Variants in DMD observed in about 807,000 individuals in gnomAD.
DMD encodes dystrophin, also known as mutant dystrophin.
Under a neutral mutation model 330.1 loss-of-function variants are expected in DMD, and 63 were observed. The observed-to-expected ratio is 0.19, with a 90% CI of 0.16 to 0.24. The LOEUF (loss-of-function observed/expected upper bound fraction) is 0.24. Among genes scored for constraint, DMD ranks in the 10% least tolerant of loss-of-function variants. The pLI is 1.00. For synonymous variants in DMD, 1,223 were observed against 959.8 expected (o/e 1.27, Z -5.07); for missense variants, 3,344 against 2,684.1 (o/e 1.25, Z -5.43).
intron 67 of DMD, among the ~76,000 whole-genome samples, chrX:31,191,501 C>G (rs946376223): frequency 5.4e-5 from 6 of 110,615 alleles, no homozygotes; most frequent in Non-Finnish European, 1.1e-4. Flanking sequence ...AGGTGATTGA[C>G]TTATGGGGGT....
At chrX:33,197,913 C>A (rs2051040357) in intron 1 of DMD, among the ~76,000 whole-genome samples, 1 of 111,077 alleles carries the variant, frequency 9.0e-6, no homozygotes, top group Non-Finnish European at 1.9e-5. Context: ...ACATAAACAT[C>A]AATTTTCTGG....
chrX:32,177,676 T>C (rs2096911135), intron 44 of DMD, among the ~76,000 whole-genome samples: 1 of 111,097 alleles, frequency 9.0e-6, no homozygotes, highest in African/African-American at 3.3e-5. Context: ...CATGGTTGAT[T>C]ACTTGCATAA....
intron 3 of DMD, among the ~76,000 whole-genome samples, chrX:32,848,590 A>G (rs1351495459): frequency 2.3e-5 from 2 of 86,730 alleles, no homozygotes; most frequent in African/African-American, 1.1e-4. Flanking sequence ...AATCTCACAT[A>G]GCTGAAGATA....
chrX:33,033,944 CTT>C (rs2094162485), intron 1 of DMD, among the ~76,000 whole-genome samples: 1 of 111,634 alleles, frequency 9.0e-6, no homozygotes, highest in South Asian at 3.7e-4. Context: ...AAATTGTAAA[CTT>C]TATTTTAAAT....
At chrX:31,797,534 A>C (rs2091885646) in intron 50 of DMD, among the ~76,000 whole-genome samples, 1 of 112,221 alleles carries the variant, frequency 8.9e-6, no homozygotes, top group Non-Finnish European at 1.9e-5. Flanking sequence ...ATGTGATGCA[A>C]TTTAAAAAAC....
At chrX:31,734,896 A>G (rs2086764140) in intron 51 of DMD, among the ~76,000 whole-genome samples, 1 of 111,606 alleles carries the variant, frequency 9.0e-6, no homozygotes, top group Non-Finnish European at 1.9e-5. Flanking sequence ...TAAATTATAC[A>G]AAACAGTTTT....
chrX:31,511,288 T>C (rs989367968), intron 55 of DMD, among the ~76,000 whole-genome samples: 8 of 87,206 alleles, frequency 9.2e-5, no homozygotes, highest in African/African-American at 4.1e-4. Context: ...ACTACCATAA[T>C]GATATTTGTC....
chrX:33,002,353 C>T (rs976623655), intron 2 of DMD, among the ~76,000 whole-genome samples: 1 of 110,966 alleles, frequency 9.0e-6, no homozygotes, highest in Non-Finnish European at 1.9e-5. Flanking sequence ...AGTGTGAGAG[C>T]GGGCTGAGCA....
intron 59 of DMD, among the ~76,000 whole-genome samples, chrX:31,466,105 C>T (rs113980507): frequency 9.0e-6 from 1 of 111,594 alleles, no homozygotes; most frequent in African/African-American, 3.3e-5. Context: ...AGATGGCAAA[C>T]ATTTTCTCCC....
chrX:32,085,646 ATATG>A (rs1472226859), intron 44 of DMD, among the ~76,000 whole-genome samples: 1 of 87,691 alleles, frequency 1.1e-5, no homozygotes, highest in African/African-American at 4.3e-5. Context: ...ATACGTATAT[ATATG>A]TGTGTATATA....
At chrX:32,401,266 G>A (rs1449951870) in intron 30 of DMD, among the ~76,000 whole-genome samples, 1 of 109,287 alleles carries the variant, frequency 9.2e-6, no homozygotes, top group Non-Finnish European at 1.9e-5. Flanking sequence ...CACCAGCATG[G>A]CACATGTATA....
intron 18 of DMD, among the ~76,000 whole-genome samples, chrX:32,516,199 G>A (rs1479746255): frequency 9.0e-6 from 1 of 111,670 alleles, no homozygotes; most frequent in African/African-American, 3.3e-5. Flanking sequence ...AAAATTAATG[G>A]ATACCTAAAC....
chrX:32,388,886 C>T (rs1311175198), intron 32 of DMD, among the ~76,000 whole-genome samples: 1 of 111,429 alleles, frequency 9.0e-6, no homozygotes, highest in African/African-American at 3.3e-5. Context: ...CATAGGACAC[C>T]GTTCAATATT....
At chrX:32,417,953 TAA>T (rs761738473) in intron 29 of DMD, among the ~76,000 whole-genome samples, 21 of 95,923 alleles carry the variant, frequency 2.2e-4, no homozygotes, top group Middle Eastern at 4.9e-3. Flanking sequence ...GAAGTGCAGT[TAA>T]AAAAAAAAAA....
At chrX:33,013,845 G>A (rs113620589) in intron 2 of DMD, among the ~76,000 whole-genome samples, 25 of 111,641 alleles carry the variant, frequency 2.2e-4, no homozygotes, top group Middle Eastern at 4.6e-3. Context: ...GCGCGCACGC[G>A]CGTGTGTGTG....
At position 32,685,942 on chromosome X, in the gene DMD, T is replaced by A. The variant is rs991524869; in HGVS notation, c.960+11928A>T. ...ATTTTAAAGTCACTCTAATTATTAC[T>A]AAATAAGGTATCTCTTCAAAAGAAT... On this transcript the variant is annotated intron_variant, in intron 9 of 78. Coordinates refer to ENST00000357033, the MANE Select transcript of DMD (RefSeq NM_004006.3). Among the ~76,000 whole-genome samples, 33 of 112,110 alleles carry A rather than the reference T, an allele frequency of 2.9e-4. No homozygotes were observed. In the Admixed American group the frequency reaches 3.0e-3, roughly 10 times the overall value.
chrX:32,763,263 A>AT (rs2072555194), intron 7 of DMD, among the ~76,000 whole-genome samples: 1 of 112,418 alleles, frequency 8.9e-6, no homozygotes. Flanking sequence ...TATACTTTTA[A>AT]ATCATTTTAA....
intron 7 of DMD, among the ~76,000 whole-genome samples, chrX:32,726,566 T>C (rs777677518): frequency 1.8e-5 from 2 of 111,504 alleles, no homozygotes; most frequent in Non-Finnish European, 3.8e-5. Context: ...AATTCAGCTA[T>C]GGATGTCTTA....
At chrX:31,369,136 A>T (rs1165383116) in intron 60 of DMD, among the ~76,000 whole-genome samples, 1 of 112,532 alleles carries the variant, frequency 8.9e-6, no homozygotes, top group East Asian at 2.8e-4. Flanking sequence ...TGTCATCAAT[A>T]AATGTTCATG....
Sources: gnomAD v4.1 joint callset for allele counts (sites outside exome capture counted in the v4.1 genomes callset) on GRCh38, gnomAD v4.1.1 for gene constraint, MANE v1.5 for transcripts, NCBI Gene and HGNC (gene_info 2026-07-23, HGNC 2026-07-21) for gene names.